The following RUVBL1 variants were observed in gnomAD, a reference collection of about 807,000 sequenced individuals.
RUVBL1 encodes the protein RuvB like AAA ATPase 1.
Under a neutral mutation model 52.4 loss-of-function variants are expected in RUVBL1, and 4 were observed. The ratio of observed to expected loss-of-function variants is 0.08; its 90% CI spans 0.04 to 0.17. RUVBL1 has a LOEUF of 0.17. RUVBL1 is among the 10% of genes least tolerant of loss of function. The pLI is 1.00. For missense variants in RUVBL1, 298 were observed against 572.8 expected (o/e 0.52, Z 4.90); for synonymous variants, 217 against 214.4 (o/e 1.01, Z -0.10).
chr3:128,083,138 T>C (rs1262215615), intron 9 of RUVBL1: 1 of 153,340 alleles, frequency 6.5e-6, no homozygotes, highest in East Asian at 1.9e-4. Context: ...TTGTTGCAGT[T>C]TGAAGATCTT....
intron 2 of RUVBL1, among the ~76,000 whole-genome samples, chr3:128,113,578 T>C (rs1943446830): frequency 6.6e-6 from 1 of 152,254 alleles, no homozygotes; most frequent in Non-Finnish European, 1.5e-5. Context: ...CTAGATTACA[T>C]ACAATACCTA....
At chr3:128,078,847 G>GA (rs551629054), downstream of RUVBL1, 84 of 152,248 alleles carry the variant, frequency 5.5e-4, no homozygotes, top group Admixed American at 5.2e-3. Flanking sequence ...GGCCTTGCTG[G>GA]AAAAAATAGG....
rs1413577999 is a variant in RUVBL1 at position 128,119,338 on chromosome 3, C to G, written c.218G>C (p.Gly73Ala). The G allele has an allele frequency of 3.1e-6, 5 of 1,613,816 alleles. No homozygotes were observed. Among genetic ancestry groups the G allele is most frequent in the Non-Finnish European group, 4.2e-6 (5 of 1,179,796 alleles). ...AGAGAAAATGAGTACCTTGCCAGTT[C>G]CAGGAGGTCCTGCCAACAAGACAGC... is the stretch of plus-strand genomic sequence containing the variant. ...GRAVLLAGPP[G>A]TGKTALALAI... The change falls in exon 2 of 11, where the codon GGA becomes GCA. Residue 73 changes from glycine (G) to alanine (A), a missense_variant. Transcript: ENST00000322623.
rs905442842 is a variant in RUVBL1, at chr3:128,113,024, C to T, written c.229-4G>A. 1.9e-6 allele frequency: 3 copies of T among 1,612,938 alleles called. No individual in the cohort carries two copies. Among genetic ancestry groups the T allele is most frequent in the African/African-American group, 1.3e-5 (1 of 74,966 alleles). On this transcript the variant is annotated splice_region_variant and splice_polypyrimidine_tract_variant and intron_variant, in intron 2 of 10. Coordinates refer to ENST00000322623, the MANE Select transcript of RUVBL1 (RefSeq NM_003707.3). ...CAATAGCCAGAGCCAGAGCTGTCTACAAAAGAAAGCAACGGAAACACAGTT... is the reference window on the plus strand; with the variant it reads ...CAATAGCCAGAGCCAGAGCTGTCTATAAAAGAAAGCAACGGAAACACAGTT...
At chr3:128,132,032 C>T (rs1447817837) in intron 1 of RUVBL1, among the ~76,000 whole-genome samples, 1 of 152,194 alleles carries the variant, frequency 6.6e-6, no homozygotes, top group African/African-American at 2.4e-5. Context: ...CCTGCACTAC[C>T]CCTCTCTCAT....
At chr3:128,140,431 T>C (rs1944006577) in intron 1 of RUVBL1, among the ~76,000 whole-genome samples, 1 of 151,866 alleles carries the variant, frequency 6.6e-6, no homozygotes, top group South Asian at 2.1e-4. Context: ...TCCACCTTTC[T>C]AATTATTGGC....
At chr3:128,133,572 G>A (rs747917914) in intron 1 of RUVBL1, among the ~76,000 whole-genome samples, 1 of 152,154 alleles carries the variant, frequency 6.6e-6, no homozygotes, top group Non-Finnish European at 1.5e-5. Flanking sequence ...GGGAAAGTAC[G>A]GGAAGAGAAC....
At chr3:128,119,042 T>C (rs1460990412) in intron 2 of RUVBL1, among the ~76,000 whole-genome samples, 1 of 152,122 alleles carries the variant, frequency 6.6e-6, no homozygotes, top group Non-Finnish European at 1.5e-5. Context: ...CCAACAGAAA[T>C]GTATTTCCAC....
intron 1 of RUVBL1, among the ~76,000 whole-genome samples, chr3:128,138,066 A>G (rs1943972454): frequency 1.3e-5 from 2 of 152,190 alleles, no homozygotes; most frequent in African/African-American, 4.8e-5. Context: ...GCCATATACA[A>G]CAGACCCACA....
At chr3:128,069,917 T>G in intron 9 of RUVBL1, 1 of 404,046 alleles carries the variant, frequency 2.5e-6, no homozygotes, top group Non-Finnish European at 4.4e-6. Context: ...GGTATAGGAT[T>G]GTCCCCAAGT....
chr3:128,119,118 C>T (rs6771691), intron 2 of RUVBL1, among the ~76,000 whole-genome samples: 19 of 152,290 alleles, frequency 1.2e-4, no homozygotes, highest in African/African-American at 4.3e-4. Context: ...TCAAGGACTT[C>T]ATTCTTTCTT....
In RUVBL1 at chr3:128,107,052, A is replaced by G. The variant is rs183522395; in HGVS notation, c.362-2128T>C. ...ACATATGCATAAAATTACCAAGTCT[A>G]CTTTAAAAAAAAATTTTAAGTAAAT... is the stretch of plus-strand genomic sequence containing the variant. On this transcript the variant is annotated intron_variant, in intron 3 of 10. Transcript: ENST00000322623. Among the ~76,000 whole-genome samples, 19 of 152,314 alleles carry G rather than the reference A, an allele frequency of 1.2e-4. 2 individuals carry two copies. The highest frequency in any genetic ancestry group is 1.1e-3 in the Admixed American group (17 of 15,304).
At chr3:128,153,061 C>T (rs1266136841) in intron 1 of RUVBL1, 34 of 240,342 alleles carry the variant, frequency 1.4e-4, no homozygotes, top group Non-Finnish European at 1.8e-4. Context: ...TTTTTCAATC[C>T]TCCCTGTGAT....
At chr3:128,072,359 A>T (rs1208771357) in intron 9 of RUVBL1, among the ~76,000 whole-genome samples, 2 of 152,212 alleles carry the variant, frequency 1.3e-5, no homozygotes, top group East Asian at 3.9e-4. Context: ...AGGCCTGACC[A>T]GGGCTGTGGG....
intron 1 of RUVBL1, among the ~76,000 whole-genome samples, chr3:128,147,163 G>C (rs1944118725): frequency 6.6e-6 from 1 of 152,130 alleles, no homozygotes; most frequent in South Asian, 2.1e-4. Context: ...TTGACCTCCT[G>C]GGGTCAAGGG....
At chr3:128,123,479 G>GGT in intron 1 of RUVBL1, 105 bp downstream of exon 1, 1 of 1,267,796 alleles carries the variant, frequency 7.9e-7, no homozygotes, top group Non-Finnish European at 1.0e-6. Flanking sequence ...ATAATGGCGG[G>GGT]AGACCCCTGG....
At chr3:128,065,759 C>A (rs533297936) in intron 9 of RUVBL1, among the ~76,000 whole-genome samples, 3 of 40,490 alleles carry the variant, frequency 7.4e-5, no homozygotes, top group Non-Finnish European at 1.5e-4. Context: ...TTTTTTGAGA[C>A]GGAGTCTTGC....
intron 1 of RUVBL1, among the ~76,000 whole-genome samples, chr3:128,122,429 G>C (rs1177668079): frequency 6.6e-6 from 1 of 152,220 alleles, no homozygotes; most frequent in Non-Finnish European, 1.5e-5. Flanking sequence ...TCATACTAAA[G>C]CGGGGAAGGG....
intron 1 of RUVBL1, among the ~76,000 whole-genome samples, chr3:128,137,094 C>T (rs1943959287): frequency 6.6e-6 from 1 of 151,766 alleles, no homozygotes; most frequent in Admixed American, 6.6e-5. Flanking sequence ...ACAATAAGTG[C>T]CTACATGAAA....
Sources: allele counts gnomAD v4.1 joint callset (sites outside exome capture counted in the v4.1 genomes callset), GRCh38; gene constraint gnomAD v4.1.1; transcripts MANE v1.5; gene names NCBI Gene and HGNC (gene_info 2026-07-23, HGNC 2026-07-21).